The following MYO1C variants were observed in gnomAD, a reference collection of about 807,000 sequenced individuals.
The protein encoded by MYO1C is myosin IC.
In MYO1C, 104 loss-of-function variants were observed where a neutral mutation model predicts 150.8. That is an observed-to-expected ratio of 0.69 (90% CI 0.59 to 0.81). The LOEUF (loss-of-function observed/expected upper bound fraction) is 0.81, where lower values mean the gene tolerates loss of function less well. MYO1C is among the 30% of genes least tolerant of loss of function. The pLI is 0.00. For missense variants in MYO1C, 1,504 were observed against 1,435.0 expected (o/e 1.05, Z -0.78); for synonymous variants, 663 against 579.9 (o/e 1.14, Z -2.06).
At chr17:1,466,846 C>T (rs956263648) in intron 31 of MYO1C, among the ~76,000 whole-genome samples, 4 of 152,008 alleles carry the variant, frequency 2.6e-5, no homozygotes, top group African/African-American at 4.8e-5. Flanking sequence ...AGGCTGGTCT[C>T]GAACTCCTGA....
Position 1,492,420 on chromosome 17 carries a change from C to T in MYO1C, c.68G>A (p.Cys23Tyr), listed in dbSNP as rs1258566333. The T allele has an allele frequency of 6.2e-7, 1 of 1,605,360 alleles. No homozygotes were observed. The highest frequency in any genetic ancestry group is 1.1e-5 in the South Asian group (1 of 89,504). ...IIRVVHPHRP[C>Y]KLALGSDGVR... ...CAGAGCATCCCAGCTTACAAGCTTG[C>T]AGGGCCTGTGGGGATGAACCACGCG... Residue 23 changes from cysteine to tyrosine, a missense_variant, in exon 1 of 32, where the codon TGC becomes TAC. Transcript: ENST00000648651.
rs1459439287 is a variant in MYO1C at position 1,482,575 on chromosome 17, G to A, written c.547-17C>T. On this transcript the variant is annotated splice_polypyrimidine_tract_variant and intron_variant, in intron 4 of 31. Transcript: ENST00000648651. ...TCCAAAGGCCTAGGAGTGGACAGGG[G>A]TATGAGGGACACCTGGCACTCTCCC... The A allele has an allele frequency of 1.9e-6, 3 of 1,610,746 alleles. No individual in the cohort carries two copies. Among genetic ancestry groups the A allele is most frequent in the Non-Finnish European group, 2.5e-6 (3 of 1,177,472 alleles).
Position 1,467,579 on chromosome 17 carries a change from T to C in MYO1C, c.2968-2A>G, listed in dbSNP as rs746325496. On this transcript the variant is annotated splice_acceptor_variant, in intron 29 of 31. Transcript: ENST00000648651. LOFTEE classifies it high-confidence loss of function. The stretch of plus-strand genomic sequence containing the variant: ...GTCACTCTGCAGCACCACATCTCCC[T>C]GGGGGGCCAGGCAGGAGGAGGGGTC... The C allele has an allele frequency of 7.4e-6, 12 of 1,612,588 alleles. No individual in the cohort carries two copies. Among genetic ancestry groups the C allele is most frequent in the Admixed American group, 1.7e-5 (1 of 59,988 alleles).
chr17:1,485,311 C>T lies in MYO1C; in HGVS notation c.76-1008G>A. ...AGGTGGTGGTGATTGGGGGTGGATC[C>T]CAAAGGGGCCGCCGGTGTCCTCTGA... is the stretch of plus-strand genomic sequence containing the variant. On this transcript the variant is annotated intron_variant, in intron 1 of 31. Coordinates refer to ENST00000648651, the MANE Select transcript of MYO1C (RefSeq NM_001080779.2). 9 of 1,096,854 alleles carry T rather than the reference C, an allele frequency of 8.2e-6. No homozygotes were observed. The South Asian group carries it at 1.9e-4, about 23-fold the overall frequency. The allele number at this position is 1,096,854 out of a possible 1,614,324, so 67.9% of individuals were successfully genotyped here.
At chr17:1,470,892 T>C (rs934783003) in intron 21 of MYO1C, 179 bp downstream of exon 21, 5 of 893,790 alleles carry the variant, frequency 5.6e-6, no homozygotes, top group African/African-American at 3.4e-5. Context: ...GGGCTGGAGC[T>C]GGTGGGGAGG....
Position 1,482,471 on chromosome 17 carries a change from A to G in MYO1C, c.627+7T>C, listed in dbSNP as rs1190628264. 3.1e-6 allele frequency: 5 copies of G among 1,612,812 alleles called. No individual in the cohort carries two copies. Among genetic ancestry groups the G allele is most frequent in the Admixed American group, 1.7e-5 (1 of 59,992 alleles). On this transcript the variant is annotated splice_region_variant and intron_variant, in intron 5 of 31. Transcript: ENST00000648651. ...GGGAATCCTCACGACACACACATCCATGGTACCTTGAAGTCAAACTGCACA... is the reference window on the plus strand; with the variant it reads ...GGGAATCCTCACGACACACACATCCGTGGTACCTTGAAGTCAAACTGCACA...
rs191143460 is a variant in MYO1C, at chr17:1,480,316, C to T, written c.906+211G>A. Among the ~76,000 whole-genome samples, 332 of 151,346 alleles carry T rather than the reference C, an allele frequency of 2.2e-3. 2 individuals are homozygous for T. The highest frequency in any genetic ancestry group is 6.9e-3 in the Middle Eastern group (2 of 290). ...ACAAAAAATTAGCTGGGCGTGGTGG[C>T]GGGCGCCTGTAATCCCAGCTACTCG... On this transcript the variant is annotated intron_variant, in intron 7 of 31. Coordinates refer to ENST00000648651, the MANE Select transcript of MYO1C (RefSeq NM_001080779.2).
At chr17:1,485,275 A>T in intron 1 of MYO1C, 1 of 1,152,662 alleles carries the variant, frequency 8.7e-7, no homozygotes, top group Non-Finnish European at 1.1e-6. Flanking sequence ...ATCCAGGGTC[A>T]GAGAAGAACA....
chr17:1,478,330 A>G lies in MYO1C; in HGVS notation c.1295+80T>C. On this transcript the variant is annotated intron_variant, in intron 11 of 31. Coordinates refer to ENST00000648651, the MANE Select transcript of MYO1C (RefSeq NM_001080779.2). The surrounding 1 kb of genome is among the most constrained non-coding windows in gnomAD (Gnocchi z 6.3). ...CCGGCTGGCTGGGGAGTCACAGGGC[A>G]GGAATGAGAGGCTGGAGGACAGAAG... 6.3e-7 allele frequency: 1 copy of G among 1,585,502 alleles called. No individual in the cohort carries two copies. The highest frequency in any genetic ancestry group is 8.7e-7 in the Non-Finnish European group (1 of 1,154,206).
chr17:1,481,595 G>A (rs1227540756), intron 5 of MYO1C, among the ~76,000 whole-genome samples: 1 of 151,696 alleles, frequency 6.6e-6, no homozygotes, highest in Admixed American at 6.6e-5. Context: ...CGAACTCCCG[G>A]GTTCAAGCAA....
Position 1,480,084 on chromosome 17 carries a change from G to T in MYO1C, c.907-379C>A, listed in dbSNP as rs144250690. Among the ~76,000 whole-genome samples, 61 of 145,514 alleles carry T rather than the reference G, an allele frequency of 4.2e-4. 3 individuals carry two copies. In the East Asian group the frequency reaches 0.012, roughly 29 times the overall value. The stretch of plus-strand genomic sequence containing the variant: ...TCACTTTAACCTGGAGGCAGAGGTT[G>T]CAGTGAACTGAGATCGCACCACTGC... On this transcript the variant is annotated intron_variant, in intron 7 of 31. Transcript: ENST00000648651.
At position 1,479,544 on chromosome 17, in the gene MYO1C, G is replaced by GCCCC; in HGVS notation, c.1020+44_1021-43dup. 1.2e-4 allele frequency: 140 copies of GCCCC among 1,175,012 alleles called. No homozygotes were observed. The highest frequency in any genetic ancestry group is 1.6e-4 in the Non-Finnish European group (129 of 804,046). 72.8% of individuals were successfully genotyped at this position (1,175,012 alleles called of 1,614,324 possible). A position where few individuals can be genotyped will look rare whatever the true frequency, so the allele number is the denominator to read the frequency against. ...AGGACACGGTGAGGGTGCACCCCCA[G>GCCCC]CCCCCGCCCCCGCCGTCCTCCCGTC... On this transcript the variant is annotated intron_variant, in intron 8 of 31. Coordinates refer to ENST00000648651, the MANE Select transcript of MYO1C (RefSeq NM_001080779.2). This position sits in a 1 kb window ranked among gnomAD's most constrained non-coding sequence, Gnocchi z 4.2.
In MYO1C at chr17:1,469,396, A is replaced by AACGCGG. The variant is rs1314633518; in HGVS notation, c.2610+134_2610+135insCCGCGT. The AACGCGG allele has an allele frequency of 4.9e-4, 410 of 838,118 alleles. 8 individuals carry two copies. Among genetic ancestry groups the AACGCGG allele is most frequent in the East Asian group, 3.7e-3 (140 of 37,494 alleles). 51.9% of individuals were successfully genotyped at this position (838,118 alleles called of 1,614,324 possible). On this transcript the variant is annotated intron_variant, in intron 25 of 31. Transcript: ENST00000648651. ...GAGTAGACCAGGGTAAATACGGTAG[A>AACGCGG]TCGGGGTAAATACGGTAGAACGCGG...
Position 1,483,661 on chromosome 17 carries a change from T to A in MYO1C, c.296A>T (p.Gln99Leu). The A allele has an allele frequency of 6.2e-7, 1 of 1,613,334 alleles. No individual in the cohort carries two copies. Among genetic ancestry groups the A allele is most frequent in the East Asian group, 2.2e-5 (1 of 44,860 alleles). ...GACGCCACGGTAACGCTCCATATGC[T>A]GCCGGCTGTAGATCTGCAGGTCCCG... Reference protein sequence around the residue: ...PYRDLQIYSRQHMERYRGVSF... With the variant: ...PYRDLQIYSRLHMERYRGVSF... Residue 99 changes from glutamine to leucine, a missense_variant, in exon 3 of 32, where the codon CAG becomes CTG. Transcript: ENST00000648651.
At position 1,474,889 on chromosome 17, in the gene MYO1C, CAG is replaced by C. The variant is rs760991129; in HGVS notation, c.1670-33_1670-32del. On this transcript the variant is annotated intron_variant, in intron 15 of 31. Transcript: ENST00000648651. ...AGGGGAGAACCGACGTGAGGTGAGA[CAG>C]AGCCTCCCCGCAGGCCCCTGTGGGG... is the stretch of plus-strand genomic sequence containing the variant. The C allele has an allele frequency of 9.3e-6, 15 of 1,613,690 alleles. No individual in the cohort carries two copies. In the South Asian group the frequency reaches 9.9e-5, roughly 11 times the overall value.
At chr17:1,472,407 ACC>A (rs959099363) in intron 17 of MYO1C, 179 bp from the exon 18 acceptor site, 58 of 610,286 alleles carry the variant, frequency 9.5e-5, no homozygotes, top group Non-Finnish European at 1.5e-4. Context: ...TCCACCCCTT[ACC>A]CCTCTGGCTG....
At chr17:1,492,303 G>A (rs1324106340) in intron 1 of MYO1C, 110 bp downstream of exon 1, 1 of 1,120,478 alleles carries the variant, frequency 8.9e-7, no homozygotes, top group Non-Finnish European at 1.3e-6. Context: ...GCCAAGGATC[G>A]GAACCCCTCC....
intron 4 of MYO1C, 44 bp from the exon 5 acceptor site, chr17:1,482,602 CT>C: frequency 6.5e-7 from 1 of 1,549,838 alleles, no homozygotes. Context: ...CACTCTCCCC[CT>C]GCCCTCCCCA....
At chr17:1,475,574 ACT>A (rs1314133367) in intron 14 of MYO1C, among the ~76,000 whole-genome samples, 2 of 152,058 alleles carry the variant, frequency 1.3e-5, no homozygotes, top group Admixed American at 1.3e-4. Context: ...AGGGAGGGAA[ACT>A]CTCGTTGCTT....
Sources: allele counts gnomAD v4.1 joint callset (sites outside exome capture counted in the v4.1 genomes callset), GRCh38; gene constraint gnomAD v4.1.1; non-coding constraint Gnocchi (gnomAD v3.1); transcripts MANE v1.5; gene names NCBI Gene and HGNC (gene_info 2026-07-23, HGNC 2026-07-21).